Variants in PDE4D observed in about 807,000 individuals in gnomAD.
PDE4D encodes the protein 3',5'-cyclic-AMP phosphodiesterase 4D.
In PDE4D, 24 loss-of-function variants were observed where a neutral mutation model predicts 87.4. The ratio of observed to expected loss-of-function variants is 0.27; its 90% CI spans 0.20 to 0.39. The LOEUF (loss-of-function observed/expected upper bound fraction) is 0.39. Among genes scored for constraint, PDE4D ranks in the 10% least tolerant of loss-of-function variants. PDE4D has a pLI of 1.00. For missense variants in PDE4D, 714 were observed against 1,041.0 expected (o/e 0.69, Z 4.32); for synonymous variants, 384 against 383.2 (o/e 1.00, Z -0.02).
intron 1 of PDE4D, among the ~76,000 whole-genome samples, chr5:59,727,654 G>A (rs1002544176): frequency 6.6e-6 from 1 of 152,050 alleles, no homozygotes; most frequent in African/African-American, 2.4e-5. Flanking sequence ...CCAAAAGCCT[G>A]TTTAAAGTCC....
intron 1 of PDE4D, chr5:60,460,506 T>C: frequency 6.6e-7 from 1 of 1,509,978 alleles, no homozygotes. Context: ...GAAAAAATGG[T>C]TGGCAGAGTT....
intron 1 of PDE4D, among the ~76,000 whole-genome samples, chr5:59,876,478 A>G (rs907309205): frequency 6.6e-6 from 1 of 151,996 alleles, no homozygotes; most frequent in Non-Finnish European, 1.5e-5. Context: ...TTCTTTATCC[A>G]CCTGCCTTTT....
At chr5:59,237,827 A>G (rs26704) in intron 1 of PDE4D, among the ~76,000 whole-genome samples, 94,013 of 151,180 alleles carry the variant, frequency 0.62, 29,765 homozygotes, top group Non-Finnish European at 0.66. Flanking sequence ...GTGTGAACTC[A>G]GTGATATGAA....
chr5:59,189,214 T>G (rs1743632293), intron 3 of PDE4D, among the ~76,000 whole-genome samples: 1 of 151,198 alleles, frequency 6.6e-6, no homozygotes, highest in African/African-American at 2.4e-5. Context: ...GGTAAAGAGA[T>G]GTAGTTGTTC....
chr5:60,040,051 TTCCCAATTACCTTTATTTCTTAA>T (rs1220727328), intron 2 of PDE4D, among the ~76,000 whole-genome samples: 1 of 152,248 alleles, frequency 6.6e-6, no homozygotes, highest in Non-Finnish European at 1.5e-5. Flanking sequence ...CTTTTCAATT[TTCCCAATTACCTTTATTTCTTAA>T]GATGAAGTTA....
At chr5:59,427,915 G>A (rs1164889497) in intron 1 of PDE4D, among the ~76,000 whole-genome samples, 2 of 151,748 alleles carry the variant, frequency 1.3e-5, no homozygotes, top group South Asian at 2.1e-4. Flanking sequence ...AGAAAAAGTG[G>A]GACAGTACAA....
chr5:59,702,317 G>C (rs1172376706), intron 1 of PDE4D, among the ~76,000 whole-genome samples: 2 of 151,892 alleles, frequency 1.3e-5, no homozygotes, highest in African/African-American at 4.8e-5. Context: ...GTAGAGACGG[G>C]GTTTCACACC....
intron 3 of PDE4D, among the ~76,000 whole-genome samples, chr5:59,927,067 A>G (rs1037172242): frequency 6.6e-6 from 1 of 152,182 alleles, no homozygotes; most frequent in African/African-American, 2.4e-5. Flanking sequence ...GCTTACATAG[A>G]CCAAAACACA....
intron 1 of PDE4D, among the ~76,000 whole-genome samples, chr5:59,847,211 G>C (rs1474036388): frequency 6.6e-6 from 1 of 151,894 alleles, no homozygotes; most frequent in Non-Finnish European, 1.5e-5. Context: ...TGTAAAAATT[G>C]GATTTATTCT....
intron 1 of PDE4D, among the ~76,000 whole-genome samples, chr5:59,250,777 A>G (rs1048476087): frequency 1.6e-4 from 25 of 152,168 alleles, no homozygotes; most frequent in African/African-American, 6.0e-4. Flanking sequence ...CCAACTTCAA[A>G]CTATAATACA....
intron 3 of PDE4D, among the ~76,000 whole-genome samples, chr5:59,937,705 C>T (rs954972022): frequency 2.6e-5 from 4 of 152,240 alleles, no homozygotes; most frequent in Non-Finnish European, 5.9e-5. Flanking sequence ...GGCCCTCTCT[C>T]CTCACACAGT....
At chr5:60,343,918 C>G (rs80190262) in intron 1 of PDE4D, among the ~76,000 whole-genome samples, 1 of 151,530 alleles carries the variant, frequency 6.6e-6, no homozygotes, top group African/African-American at 2.4e-5. Context: ...CTTCCCTCAG[C>G]TGCATAGCCA....
In PDE4D at chr5:59,980,594, C is replaced by T. The variant is rs375912091; in HGVS notation, c.272+7894G>A. On this transcript the variant is annotated intron_variant, in intron 3 of 16. Transcript: ENST00000502484. ...TTTGATTTCTAAAGGTAAACCTTCC[C>T]CTGGTACATGCTGCTTTACTGACAC... Among the ~76,000 whole-genome samples, 146 of 152,280 alleles carry T rather than the reference C, an allele frequency of 9.6e-4. 2 individuals carry two copies. The highest frequency in any genetic ancestry group is 3.3e-3 in the African/African-American group (136 of 41,570).
chr5:59,560,512 C>T (rs1819790450), intron 1 of PDE4D, among the ~76,000 whole-genome samples: 1 of 152,200 alleles, frequency 6.6e-6, no homozygotes, highest in African/African-American at 2.4e-5. Flanking sequence ...TCTCCGCTAT[C>T]TCTGCGACTT....
chr5:60,376,444 C>T (rs781654383), intron 1 of PDE4D, among the ~76,000 whole-genome samples: 1 of 152,150 alleles, frequency 6.6e-6, no homozygotes, highest in South Asian at 2.1e-4. Flanking sequence ...ACTGTTTAGC[C>T]GGGGTTCCTG....
At chr5:59,776,418 G>A (rs1484390047) in intron 1 of PDE4D, among the ~76,000 whole-genome samples, 1 of 152,104 alleles carries the variant, frequency 6.6e-6, no homozygotes, top group East Asian at 1.9e-4. Context: ...CCACTTTCAT[G>A]CGGTGTTATT....
chr5:59,139,404 A>G (rs916237619), intron 5 of PDE4D, among the ~76,000 whole-genome samples: 1 of 152,196 alleles, frequency 6.6e-6, no homozygotes, highest in Non-Finnish European at 1.5e-5. Flanking sequence ...ATTTTACCGC[A>G]GAACATTGTT....
At chr5:60,513,084 AAAT>A (rs1312556596) in intron 1 of PDE4D, among the ~76,000 whole-genome samples, 2 of 152,220 alleles carry the variant, frequency 1.3e-5, no homozygotes, top group African/African-American at 2.4e-5. Flanking sequence ...AATGGAGAGC[AAAT>A]AATAATGATA....
At chr5:59,575,246 A>G in intron 1 of PDE4D, among the ~76,000 whole-genome samples, 1 of 152,226 alleles carries the variant, frequency 6.6e-6, no homozygotes, top group Non-Finnish European at 1.5e-5. Flanking sequence ...AGGCTGGTCT[A>G]TGTCTGAAGA....
Sources: allele counts gnomAD v4.1 joint callset (sites outside exome capture counted in the v4.1 genomes callset), GRCh38; gene constraint gnomAD v4.1.1; transcripts MANE v1.5; gene names NCBI Gene and HGNC (gene_info 2026-07-23, HGNC 2026-07-21).